The following NEK10 variants were observed in gnomAD, a reference collection of about 807,000 sequenced individuals.
NEK10 encodes serine/threonine-protein kinase Nek10.
NEK10 carries 122 observed loss-of-function variants against 159.8 expected under a neutral mutation model. The ratio of observed to expected loss-of-function variants is 0.76; its 90% confidence interval spans 0.66 to 0.89. The LOEUF (loss-of-function observed/expected upper bound fraction) is 0.89, where lower values mean the gene tolerates loss of function less well. NEK10 is among the 40% of genes least tolerant of loss of function. NEK10 has a pLI of 0.00. For missense variants in NEK10, 1,342 were observed against 1,323.1 expected (o/e 1.01, Z -0.22); for synonymous variants, 466 against 457.1 (o/e 1.02, Z -0.25).
intron 23 of NEK10, among the ~76,000 whole-genome samples, chr3:27,238,453 A>G (rs907182000): frequency 6.6e-6 from 1 of 152,332 alleles, no homozygotes; most frequent in Admixed American, 6.5e-5. Context: ...TTCTAATAAG[A>G]AAACAATATA....
rs955138166 is a variant in NEK10 at position 27,343,548 on chromosome 3, G to A, written c.362+724C>T. On this transcript the variant is annotated intron_variant, in intron 5 of 35. Transcript: ENST00000691995. The stretch of plus-strand genomic sequence containing the variant: ...GCTGATGCATCTGTGAAGAGTATGC[G>A]CCTCCTGAAAAGAGCAAAAGACAAG... Among the ~76,000 whole-genome samples, 14 of 152,042 alleles carry A rather than the reference G, an allele frequency of 9.2e-5. 1 individual carries two copies. Among genetic ancestry groups the A allele is most frequent in the South Asian group, 4.1e-4 (2 of 4,820 alleles).
chr3:27,330,395 T>C (rs982830447), intron 5 of NEK10, among the ~76,000 whole-genome samples: 1 of 152,156 alleles, frequency 6.6e-6, no homozygotes, highest in African/African-American at 2.4e-5. Context: ...TCTCAAACAA[T>C]GATCCAGCTG....
intron 23 of NEK10, among the ~76,000 whole-genome samples, chr3:27,209,944 C>G (rs1404865399): frequency 6.6e-6 from 1 of 151,980 alleles, no homozygotes; most frequent in East Asian, 1.9e-4. Flanking sequence ...TAGGGTTTCT[C>G]TGAGCCCACC....
At chr3:27,256,971 A>G (rs1956267384) in intron 22 of NEK10, among the ~76,000 whole-genome samples, 1 of 135,170 alleles carries the variant, frequency 7.4e-6, no homozygotes, top group Non-Finnish European at 1.5e-5. Context: ...GTTGGAGTGC[A>G]GTGGTGCGAT....
At chr3:27,248,374 TTTA>T (rs1955308181) in intron 23 of NEK10, among the ~76,000 whole-genome samples, 1 of 152,136 alleles carries the variant, frequency 6.6e-6, no homozygotes, top group Non-Finnish European at 1.5e-5. Flanking sequence ...ATATCTGCTC[TTTA>T]TTATTACTTT....
At chr3:27,260,299 G>C (rs1575489730) in intron 22 of NEK10, among the ~76,000 whole-genome samples, 1 of 152,140 alleles carries the variant, frequency 6.6e-6, no homozygotes, top group East Asian at 1.9e-4. Flanking sequence ...TCTTGTGCCA[G>C]TTTTCAAAGG....
At chr3:27,335,104 G>A (rs927726525) in intron 5 of NEK10, among the ~76,000 whole-genome samples, 5 of 152,094 alleles carry the variant, frequency 3.3e-5, no homozygotes, top group Middle Eastern at 3.4e-3. Flanking sequence ...TTTGGGAGGC[G>A]GAGGCGAGTG....
chr3:27,250,590 T>G (rs11129274), intron 23 of NEK10, among the ~76,000 whole-genome samples: 1 of 151,970 alleles, frequency 6.6e-6, no homozygotes, highest in Non-Finnish European at 1.5e-5. Context: ...GCATTTCTCA[T>G]AGGACAGGTC....
intron 5 of NEK10, among the ~76,000 whole-genome samples, chr3:27,333,751 C>T (rs1273595232): frequency 1.3e-5 from 2 of 151,964 alleles, no homozygotes; most frequent in Non-Finnish European, 2.9e-5. Flanking sequence ...TTCTAGAGCC[C>T]TACCCCCAAC....
At chr3:27,187,855 A>G (rs973814376) in intron 26 of NEK10, among the ~76,000 whole-genome samples, 1 of 152,198 alleles carries the variant, frequency 6.6e-6, no homozygotes, top group African/African-American at 2.4e-5. Flanking sequence ...CGTTACCCAC[A>G]GGATTTAATT....
chr3:27,252,128 C>A (rs1037807661), intron 23 of NEK10: 6 of 360,994 alleles, frequency 1.7e-5, no homozygotes, highest in Non-Finnish European at 3.4e-5. Flanking sequence ...CAGTGGTGAA[C>A]AAAGGAGACG....
At chr3:27,121,610 C>T (rs1465383408) in intron 32 of NEK10, among the ~76,000 whole-genome samples, 1 of 152,210 alleles carries the variant, frequency 6.6e-6, no homozygotes, top group African/African-American at 2.4e-5. Flanking sequence ...CTTGCTCCTT[C>T]TTGCTTTCTG....
Position 27,344,318 on chromosome 3 carries a change from A to G in NEK10, c.316T>C (p.Phe106Leu). The change falls in exon 5 of 36, where the codon TTT becomes CTT. Residue 106 changes from phenylalanine to leucine, a missense_variant. By Grantham distance (22) the Phe-to-Leu change is conservative. Transcript: ENST00000691995. ...ACCAAGGCGGTAAAGATCTCCTGAAATAGTTTACGCTGAGGATGTTTGCTG... is the reference window on the plus strand; with the variant it reads ...ACCAAGGCGGTAAAGATCTCCTGAAGTAGTTTACGCTGAGGATGTTTGCTG... Reference protein sequence around the residue: ...NFSKHPQRKLFQEIFTALVKN... With the variant: ...NFSKHPQRKLLQEIFTALVKN... The G allele has an allele frequency of 6.3e-7, 1 of 1,599,956 alleles. No homozygotes were observed. Among genetic ancestry groups the G allele is most frequent in the Non-Finnish European group, 8.5e-7 (1 of 1,170,610 alleles).
At chr3:27,336,658 T>G (rs1387538544) in intron 5 of NEK10, among the ~76,000 whole-genome samples, 1 of 152,092 alleles carries the variant, frequency 6.6e-6, no homozygotes, top group East Asian at 1.9e-4. Flanking sequence ...TATGACCAAG[T>G]GGGATTTACA....
At chr3:27,361,086 G>T (rs1466764963) in intron 1 of NEK10, among the ~76,000 whole-genome samples, 1 of 152,076 alleles carries the variant, frequency 6.6e-6, no homozygotes, top group Non-Finnish European at 1.5e-5. Flanking sequence ...GGCCCATGTT[G>T]GTCTGAGGGC....
intron 5 of NEK10, among the ~76,000 whole-genome samples, chr3:27,338,415 A>G (rs1388415731): frequency 6.6e-6 from 1 of 152,216 alleles, no homozygotes; most frequent in African/African-American, 2.4e-5. Context: ...ATGTGTCTAT[A>G]GTAGAATGAT....
chr3:27,263,967 T>C (rs967544154), intron 22 of NEK10, among the ~76,000 whole-genome samples: 2 of 152,190 alleles, frequency 1.3e-5, no homozygotes, highest in Non-Finnish European at 2.9e-5. Flanking sequence ...ATGTATTATA[T>C]ATAAATACAT....
intron 23 of NEK10, among the ~76,000 whole-genome samples, chr3:27,237,240 T>C (rs1323820063): frequency 6.6e-6 from 1 of 152,188 alleles, no homozygotes; most frequent in African/African-American, 2.4e-5. Flanking sequence ...GTGCACTGAT[T>C]TCATATTGTT....
At chr3:27,238,963 G>A (rs1207520034) in intron 23 of NEK10, among the ~76,000 whole-genome samples, 1 of 151,952 alleles carries the variant, frequency 6.6e-6, no homozygotes, top group African/African-American at 2.4e-5. Context: ...TGAAGATTTG[G>A]CCCACAACTA....
Sources: gnomAD v4.1 joint callset for allele counts (sites outside exome capture counted in the v4.1 genomes callset) on GRCh38, gnomAD v4.1.1 for gene constraint, MANE v1.5 for transcripts, NCBI Gene and HGNC (gene_info 2026-07-23, HGNC 2026-07-21) for gene names.